LINGO2: variants seen among roughly 807,000 people sequenced by gnomAD.
The protein encoded by LINGO2 is leucine rich repeat and Ig domain containing 2.
A neutral mutation model predicts 30.6 loss-of-function variants in LINGO2; 14 were observed. The ratio of observed to expected loss-of-function variants is 0.46; its 90% CI spans 0.30 to 0.72. The LOEUF is 0.72. Among genes scored for constraint, LINGO2 ranks in the 30% least tolerant of loss-of-function variants. The pLI, the probability that LINGO2 is intolerant of heterozygous loss-of-function variation, is 0.07. For missense variants in LINGO2, 729 were observed against 751.7 expected (o/e 0.97, Z 0.35); for synonymous variants, 317 against 288.5 (o/e 1.10, Z -1.00).
At chr9:28,408,437 A>T (rs1437257528) in intron 2 of LINGO2, among the ~76,000 whole-genome samples, 1 of 152,072 alleles carries the variant, frequency 6.6e-6, no homozygotes, top group East Asian at 1.9e-4. Context: ...GGAACTCAGG[A>T]CCAGGGATGC....
the LINGO2 span, among the ~76,000 whole-genome samples, chr9:28,879,825 C>T: frequency 6.7e-6 from 1 of 148,704 alleles, no homozygotes; most frequent in Non-Finnish European, 1.5e-5. Context: ...GGAATTGCTA[C>T]TGTGGCAATT....
chr9:29,059,310 T>A, the LINGO2 span, among the ~76,000 whole-genome samples: 1 of 151,396 alleles, frequency 6.6e-6, no homozygotes, highest in Non-Finnish European at 1.5e-5. Flanking sequence ...CCCAACAGCA[T>A]AAAAATTACA....
chr9:28,854,295 C>T, the LINGO2 span, among the ~76,000 whole-genome samples: 1 of 151,988 alleles, frequency 6.6e-6, no homozygotes, highest in Non-Finnish European at 1.5e-5. Context: ...AATTTGAATG[C>T]TGAAGAAGAC....
intron 3 of LINGO2, among the ~76,000 whole-genome samples, chr9:28,333,512 G>C (rs373933874): frequency 6.6e-6 from 1 of 152,100 alleles, no homozygotes; most frequent in Non-Finnish European, 1.5e-5. Flanking sequence ...GCTGATAAGG[G>C]AAGATACATT....
intron 4 of LINGO2, among the ~76,000 whole-genome samples, chr9:28,204,286 G>A (rs1333301962): frequency 1.3e-5 from 2 of 151,902 alleles, no homozygotes; most frequent in Non-Finnish European, 2.9e-5. Context: ...TTTATTATAC[G>A]TATTCCCTGT....
chr9:28,111,596 T>A (rs891844822), intron 4 of LINGO2, among the ~76,000 whole-genome samples: 1 of 152,152 alleles, frequency 6.6e-6, no homozygotes, highest in Non-Finnish European at 1.5e-5. Context: ...ATCATTCTTC[T>A]AATTATTCAT....
At chr9:28,089,987 A>T (rs1265283926) in intron 4 of LINGO2, among the ~76,000 whole-genome samples, 1 of 152,212 alleles carries the variant, frequency 6.6e-6, no homozygotes, top group Non-Finnish European at 1.5e-5. Context: ...ATTCCTGGAC[A>T]TATACACCTT....
chr9:29,189,527 A>C, the LINGO2 span, among the ~76,000 whole-genome samples: 1 of 147,992 alleles, frequency 6.8e-6, no homozygotes, highest in African/African-American at 2.5e-5. Flanking sequence ...CACATCTCAG[A>C]CGATGGGAGG....
chr9:29,104,912 T>C, the LINGO2 span, among the ~76,000 whole-genome samples: 1 of 152,170 alleles, frequency 6.6e-6, no homozygotes, highest in Non-Finnish European at 1.5e-5. Flanking sequence ...AAGAGGATTA[T>C]AAAATGTTGT....
chr9:28,669,198 A>G (rs921626909), intron 1 of LINGO2, among the ~76,000 whole-genome samples: 2 of 152,134 alleles, frequency 1.3e-5, no homozygotes, highest in African/African-American at 2.4e-5. Context: ...TGTATTCACC[A>G]TTCCTACCTG....
At chr9:28,566,041 G>A (rs1005804480) in intron 1 of LINGO2, among the ~76,000 whole-genome samples, 1 of 152,068 alleles carries the variant, frequency 6.6e-6, no homozygotes, top group Admixed American at 6.5e-5. Flanking sequence ...GAAAACTGAG[G>A]ACCAGCGAAG....
At chr9:28,353,845 C>A (rs368139671) in intron 3 of LINGO2, among the ~76,000 whole-genome samples, 1 of 152,040 alleles carries the variant, frequency 6.6e-6, no homozygotes, top group African/African-American at 2.4e-5. Context: ...GAGTTCATGT[C>A]CTTTGTAGGG....
the LINGO2 span, among the ~76,000 whole-genome samples, chr9:29,167,070 T>A: frequency 6.6e-6 from 1 of 152,052 alleles, no homozygotes; most frequent in Non-Finnish European, 1.5e-5. Flanking sequence ...AAAATATACA[T>A]TGTAAACAAT....
chr9:28,101,476 A>G (rs1462307235), intron 4 of LINGO2, among the ~76,000 whole-genome samples: 1 of 152,198 alleles, frequency 6.6e-6, no homozygotes, highest in Non-Finnish European at 1.5e-5. Context: ...ATTTCTTGCT[A>G]TTGTCAATGC....
At chr9:28,504,056 G>T (rs894297514) in intron 1 of LINGO2, among the ~76,000 whole-genome samples, 2 of 151,756 alleles carry the variant, frequency 1.3e-5, no homozygotes, top group African/African-American at 4.8e-5. Context: ...ATCATCAAAG[G>T]TCAGATCTAT....
rs112415966 is a variant in LINGO2, at chr9:28,085,025, A to C, written c.-86-72620T>G. Among the ~76,000 whole-genome samples the C allele has an allele frequency of 5.7e-3, 866 of 152,276 alleles. 12 individuals carry two copies. Among genetic ancestry groups the C allele is most frequent in the African/African-American group, 0.02 (819 of 41,576 alleles). ...ACACATAATATCTAATTTAATCTTT[A>C]AAACAGTCTGTGGACCAATGAAGCA... On this transcript the variant is annotated intron_variant, in intron 4 of 5. Transcript: ENST00000379992.
the LINGO2 span, among the ~76,000 whole-genome samples, chr9:28,879,157 A>G: frequency 1.3e-5 from 2 of 152,194 alleles, no homozygotes; most frequent in South Asian, 4.1e-4. Flanking sequence ...ATACAAAATC[A>G]ATGTACAAAA....
rs560397264 is a variant in LINGO2 at position 28,060,204 on chromosome 9, C to T, written c.-86-47799G>A. Among the ~76,000 whole-genome samples the T allele has an allele frequency of 2.6e-5, 4 of 152,128 alleles. No homozygotes were observed. In the South Asian group the frequency reaches 8.3e-4, roughly 32 times the overall value. ...TTCCCCACAAAAGCAACAAAAATTC[C>T]AATAGCATCTCCTGGGAATTAGAGG... On this transcript the variant is annotated intron_variant, in intron 4 of 5. Coordinates refer to ENST00000379992, the Ensembl canonical transcript of LINGO2.
At chr9:28,807,022 CATT>C in the LINGO2 span, among the ~76,000 whole-genome samples, 7 of 150,382 alleles carry the variant, frequency 4.7e-5, no homozygotes, top group African/African-American at 9.7e-5. Flanking sequence ...TTATAATTAT[CATT>C]ATTATTATTA....
Sources: allele counts gnomAD v4.1 joint callset (sites outside exome capture counted in the v4.1 genomes callset), GRCh38; gene constraint gnomAD v4.1.1; transcripts MANE v1.5; gene names NCBI Gene and HGNC (gene_info 2026-07-23, HGNC 2026-07-21).